SSBP3: variants seen among roughly 807,000 people sequenced by gnomAD.
The protein encoded by SSBP3 is single stranded DNA binding protein 3.
Under a neutral mutation model 69.6 loss-of-function variants are expected in SSBP3, and 5 were observed. That is an observed-to-expected ratio of 0.07 (90% CI 0.04 to 0.15). The LOEUF (loss-of-function observed/expected upper bound fraction) is 0.15. SSBP3 is among the 10% of genes least tolerant of loss of function. The probability of loss-of-function intolerance (pLI) is 1.00; values close to 1 mark genes in which losing one functional copy is unlikely to be tolerated. For synonymous variants in SSBP3, 196 were observed against 193.4 expected (o/e 1.01, Z -0.11); for missense variants, 312 against 534.0 (o/e 0.58, Z 4.10).
chr1:54,379,602 A>G (rs565634130), intron 4 of SSBP3, among the ~76,000 whole-genome samples: 2 of 152,348 alleles, frequency 1.3e-5, no homozygotes, highest in African/African-American at 4.8e-5. Flanking sequence ...ATCCACGCCC[A>G]GGACCAAGCC....
intron 4 of SSBP3, among the ~76,000 whole-genome samples, chr1:54,295,313 G>C (rs1645685747): frequency 6.6e-6 from 1 of 152,074 alleles, no homozygotes; most frequent in South Asian, 2.1e-4. Flanking sequence ...CTCCATCCCG[G>C]TCCATGTATC....
upstream of SSBP3, among the ~76,000 whole-genome samples, chr1:54,409,674 C>T (rs1649937878): frequency 6.6e-6 from 1 of 152,214 alleles, no homozygotes; most frequent in Non-Finnish European, 1.5e-5. Flanking sequence ...TCCAGAATGG[C>T]TATGCCATTT....
chr1:54,314,539 A>G (rs1646061767), intron 4 of SSBP3, among the ~76,000 whole-genome samples: 1 of 152,230 alleles, frequency 6.6e-6, no homozygotes, highest in African/African-American at 2.4e-5. Flanking sequence ...CAAAGCCTCA[A>G]CATTTTCTTT....
At chr1:54,286,591 CA>C (rs1467915837) in intron 4 of SSBP3, 1 of 152,440 alleles carries the variant, frequency 6.6e-6, no homozygotes, top group African/African-American at 2.4e-5. Flanking sequence ...ATCCATGCTC[CA>C]ACGGGACAGA....
chr1:54,258,391 A>G lies in SSBP3; in HGVS notation c.367-242T>C, dbSNP rs1253946265. Among the ~76,000 whole-genome samples, 3 of 152,160 alleles carry G rather than the reference A, an allele frequency of 2.0e-5. No individual in the cohort carries two copies. The highest frequency in any genetic ancestry group is 4.4e-5 in the Non-Finnish European group (3 of 68,018). On this transcript the variant is annotated intron_variant, in intron 5 of 17. Coordinates refer to ENST00000610401, the Ensembl canonical transcript of SSBP3. The surrounding 1 kb of genome is among the most constrained non-coding windows in gnomAD (Gnocchi z 4.5). ...TTCACAGGGGGTTGAAAGAACAAAA[A>G]ATGAAGCACCTCTGTCAAAGCACAC...
intron 4 of SSBP3, among the ~76,000 whole-genome samples, chr1:54,317,886 C>A (rs1250869722): frequency 2.0e-5 from 3 of 152,200 alleles, no homozygotes; most frequent in African/African-American, 7.2e-5. Flanking sequence ...CTGCCTCAGC[C>A]TCCTGAGTAG....
chr1:54,366,616 T>C (rs1280020999), intron 4 of SSBP3, among the ~76,000 whole-genome samples: 2 of 152,166 alleles, frequency 1.3e-5, no homozygotes, highest in African/African-American at 4.8e-5. Context: ...CTCCAACTAG[T>C]TATACCTGGT....
At chr1:54,312,186 T>C (rs951607385) in intron 4 of SSBP3, among the ~76,000 whole-genome samples, 8 of 151,884 alleles carry the variant, frequency 5.3e-5, no homozygotes, top group African/African-American at 1.9e-4. Flanking sequence ...TCCCAGTGCT[T>C]TGGGAGGCGG....
chr1:54,269,871 G>A (rs917209704), intron 5 of SSBP3, among the ~76,000 whole-genome samples: 3 of 152,222 alleles, frequency 2.0e-5, no homozygotes, highest in South Asian at 2.1e-4. Flanking sequence ...CTGGTAGGAA[G>A]AGCACCTGAC....
chr1:54,399,764 G>A (rs769153189), intron 4 of SSBP3, among the ~76,000 whole-genome samples: 1 of 152,142 alleles, frequency 6.6e-6, no homozygotes, highest in Non-Finnish European at 1.5e-5. Context: ...GAAGACTGGA[G>A]AAAGACAAAA....
intron 9 of SSBP3, among the ~76,000 whole-genome samples, chr1:54,246,472 G>C (rs2100681396): frequency 6.6e-6 from 1 of 152,342 alleles, no homozygotes; most frequent in African/African-American, 2.4e-5. Flanking sequence ...CTCAGAACAA[G>C]AGCAGAAGCC....
chr1:54,374,933 G>C (rs538230361), intron 4 of SSBP3, among the ~76,000 whole-genome samples: 3 of 152,334 alleles, frequency 2.0e-5, no homozygotes, highest in Admixed American at 2.0e-4. Flanking sequence ...GGCCAGAGAG[G>C]GGGAGGGGAC....
intron 14 of SSBP3, among the ~76,000 whole-genome samples, chr1:54,229,570 T>C (rs923216532): frequency 2.0e-5 from 3 of 151,918 alleles, no homozygotes; most frequent in Non-Finnish European, 4.4e-5. Context: ...GATGAGGGCT[T>C]GGAGATAAGA....
chr1:54,281,511 G>A (rs776434953), exon 5 of SSBP3: 12 of 1,564,322 alleles, frequency 7.7e-6, no homozygotes, highest in Non-Finnish European at 9.5e-6. Flanking sequence ...CACGGGGCTC[G>A]GGGCAGCTGC....
intron 4 of SSBP3, among the ~76,000 whole-genome samples, chr1:54,401,368 C>G (rs995968087): frequency 6.0e-5 from 9 of 150,614 alleles, no homozygotes; most frequent in Middle Eastern, 3.4e-3. Flanking sequence ...TATGAGCCCA[C>G]CCACACCAAA....
intron 4 of SSBP3, among the ~76,000 whole-genome samples, chr1:54,349,988 C>T (rs988158821): frequency 6.6e-6 from 1 of 152,154 alleles, no homozygotes; most frequent in Non-Finnish European, 1.5e-5. Context: ...TTAAACCGCT[C>T]TAAACCCCAA....
intron 9 of SSBP3, among the ~76,000 whole-genome samples, chr1:54,245,742 G>C (rs1644723902): frequency 6.6e-6 from 1 of 152,208 alleles, no homozygotes; most frequent in African/African-American, 2.4e-5. Flanking sequence ...GGAATGTGCT[G>C]GGGCCAAGCC....
At chr1:54,307,079 A>G (rs1244947632) in intron 4 of SSBP3, among the ~76,000 whole-genome samples, 1 of 152,130 alleles carries the variant, frequency 6.6e-6, no homozygotes, top group Admixed American at 6.5e-5. Context: ...CCAAGGCCCT[A>G]CTACCTGGGC....
At chr1:54,368,654 T>C (rs1647068964) in intron 4 of SSBP3, among the ~76,000 whole-genome samples, 1 of 152,126 alleles carries the variant, frequency 6.6e-6, no homozygotes, top group Admixed American at 6.5e-5. Flanking sequence ...CCTAGTACAC[T>C]AGAAACTCTG....
Sources: allele counts gnomAD v4.1 joint callset (sites outside exome capture counted in the v4.1 genomes callset), GRCh38; gene constraint gnomAD v4.1.1; non-coding constraint Gnocchi (gnomAD v3.1); transcripts MANE v1.5; gene names NCBI Gene and HGNC (gene_info 2026-07-23, HGNC 2026-07-21).